The following COLGALT1 variants were observed in gnomAD, a reference collection of about 807,000 sequenced individuals.
COLGALT1 encodes collagen beta(1-O)galactosyltransferase 1.
Under a neutral mutation model 60.8 loss-of-function variants are expected in COLGALT1, and 43 were observed. That is an observed-to-expected ratio of 0.71 (90% CI 0.55 to 0.91). The LOEUF (loss-of-function observed/expected upper bound fraction) is 0.91. Among genes scored for constraint, COLGALT1 ranks in the 40% least tolerant of loss-of-function variants. The probability of loss-of-function intolerance (pLI) is 0.00; values close to 1 mark genes in which losing one functional copy is unlikely to be tolerated. For missense variants in COLGALT1, 845 were observed against 880.0 expected, an observed-to-expected ratio of 0.96 and a Z score of 0.50; for synonymous variants, 369 against 374.2, an observed-to-expected ratio of 0.99 and a Z score of 0.16.
At chr19:17,561,238 A>G (rs1289747127) in intron 3 of COLGALT1, among the ~76,000 whole-genome samples, 1 of 151,922 alleles carries the variant, frequency 6.6e-6, no homozygotes, top group African/African-American at 2.4e-5. Context: ...TATTTTTAAA[A>G]AATAACAAAT....
intron 3 of COLGALT1, among the ~76,000 whole-genome samples, chr19:17,564,067 C>A (rs112068686): frequency 2.3e-5 from 2 of 88,780 alleles, no homozygotes; most frequent in South Asian, 7.1e-4. Flanking sequence ...GAGACCCCCC[C>A]CATCTCTACA....
Position 17,559,357 on chromosome 19 carries a change from G to A in COLGALT1, c.307G>A (p.Glu103Lys), listed in dbSNP as rs1385242208. 1 of 1,552,760 alleles carries A rather than the reference G, an allele frequency of 6.4e-7. No homozygotes were observed. The highest frequency in any genetic ancestry group is 1.4e-5 in the African/African-American group (1 of 73,258). Residue 103 changes from glutamate (E) to lysine (K), a missense_variant, in exon 2 of 12, where the codon GAG becomes AAG. Transcript: ENST00000252599. ...NMDNTSTVLR[E>K]WLVAVKSLYH... The stretch of plus-strand genomic sequence containing the variant: ...GGATAACACGTCAACTGTGCTGCGG[G>A]AGTGGCTGGTGGCCGTGAAGAGTTT...
chr19:17,572,996 G>A (rs1005114539), intron 6 of COLGALT1, among the ~76,000 whole-genome samples: 3 of 152,176 alleles, frequency 2.0e-5, no homozygotes, highest in African/African-American at 7.2e-5. Context: ...GGGCCAGGGT[G>A]GATGGCCTCA....
intron 2 of COLGALT1, 90 bp from the exon 3 acceptor site, chr19:17,560,258 G>GCTCT: frequency 1.1e-6 from 1 of 935,866 alleles, no homozygotes. Flanking sequence ...CCTCCAGGAA[G>GCTCT]CTCTCTCTGA....
chr19:17,562,467 A>G (rs1463444491), intron 3 of COLGALT1, among the ~76,000 whole-genome samples: 1 of 152,134 alleles, frequency 6.6e-6, no homozygotes, highest in Non-Finnish European at 1.5e-5. Flanking sequence ...GTTTGAGACC[A>G]GCCTGGTCAA....
intron 6 of COLGALT1, among the ~76,000 whole-genome samples, chr19:17,573,234 A>T (rs949915657): frequency 1.3e-5 from 2 of 151,902 alleles, no homozygotes; most frequent in Admixed American, 1.3e-4. Flanking sequence ...TCTCTATATT[A>T]AAAAAAATTT....
chr19:17,560,353 A>G lies in COLGALT1; in HGVS notation c.377A>G (p.Tyr126Cys). ...EWRPAEEPRS[Y>C]PDEEGPKHWS... Reference sequence around the variant, plus strand: ...TCACAGCTGCCTCCCCATAGGTCCTACCCGGACGAGGAAGGCCCGAAACAC... The same window carrying G: ...TCACAGCTGCCTCCCCATAGGTCCTGCCCGGACGAGGAAGGCCCGAAACAC... The change falls in exon 3 of 12, where the codon TAC becomes TGC. Residue 126 changes from tyrosine to cysteine, a missense_variant. Transcript: ENST00000252599. The G allele has an allele frequency of 1.2e-6, 2 of 1,613,666 alleles. No individual in the cohort carries two copies. Among genetic ancestry groups the G allele is most frequent in the Non-Finnish European group, 1.7e-6 (2 of 1,179,850 alleles).
intron 3 of COLGALT1, among the ~76,000 whole-genome samples, chr19:17,565,242 A>G (rs1442796546): frequency 6.6e-6 from 1 of 151,558 alleles, no homozygotes; most frequent in Non-Finnish European, 1.5e-5. Flanking sequence ...TGCAACCTCC[A>G]TCTCCTGGGT....
At chr19:17,572,452 C>T in intron 5 of COLGALT1, 31 bp from the exon 6 acceptor site, 2 of 1,613,612 alleles carry the variant, frequency 1.2e-6, no homozygotes, top group South Asian at 1.1e-5. Flanking sequence ...CCTGTTTTTA[C>T]ATTTGTCTGT....
chr19:17,561,370 C>T (rs7259115), intron 3 of COLGALT1, among the ~76,000 whole-genome samples: 14,597 of 151,610 alleles, frequency 0.096, 1,058 homozygotes, highest in African/African-American at 0.21. Context: ...CATGGGCCAC[C>T]GTGCCTGGCC....
chr19:17,567,360 G>A lies in COLGALT1; in HGVS notation c.490-46G>A, dbSNP rs775040126. The A allele has an allele frequency of 3.1e-6, 5 of 1,608,936 alleles. No individual in the cohort carries two copies. In the African/African-American group the frequency reaches 6.7e-5, roughly 21 times the overall value. On this transcript the variant is annotated intron_variant, in intron 3 of 11. Transcript: ENST00000252599. ...TTTGCCCCAGCTGTTCTGAATGGTA[G>A]CCTGACCTGGCAGCCCATGCTGATG...
intron 1 of COLGALT1, among the ~76,000 whole-genome samples, chr19:17,556,970 T>A (rs921702166): frequency 6.6e-6 from 1 of 152,232 alleles, no homozygotes; most frequent in Admixed American, 6.5e-5. Flanking sequence ...TTTGGGTTTG[T>A]CTCTGAAGAT....
intron 3 of COLGALT1, among the ~76,000 whole-genome samples, chr19:17,561,269 C>T (rs1294057326): frequency 6.6e-6 from 1 of 151,696 alleles, no homozygotes; most frequent in East Asian, 1.9e-4. Flanking sequence ...TTTGTAGAGA[C>T]GGGGTCTTGC....
rs894299582 is a variant in COLGALT1 at position 17,555,721 on chromosome 19, C to T, written c.8C>T (p.Ala3Val). The T allele has an allele frequency of 5.9e-6, 7 of 1,192,290 alleles. No individual in the cohort carries two copies. Among genetic ancestry groups the T allele is most frequent in the African/African-American group, 4.8e-5 (3 of 62,616 alleles). The allele number at this position is 1,192,290 out of a possible 1,614,324, so 73.9% of individuals were successfully genotyped here. Residue 3 changes from alanine (A) to valine (V), a missense_variant, in exon 1 of 12, where the codon GCG (alanine) becomes GTG (valine). Transcript: ENST00000252599. MA[A>V]APRAGRRRGQ... ...AAGGAGACGCGTGGCGCGATGGCGG[C>T]GGCCCCACGCGCGGGCCGGCGGCGC... is the stretch of plus-strand genomic sequence containing the variant.
At chr19:17,567,051 G>T (rs894308153) in intron 3 of COLGALT1, among the ~76,000 whole-genome samples, 28 of 152,054 alleles carry the variant, frequency 1.8e-4, no homozygotes, top group Non-Finnish European at 5.9e-5. Context: ...GGAGGCGGAG[G>T]TTGCAGCGAG....
intron 10 of COLGALT1, 84 bp from the exon 11 acceptor site, chr19:17,580,615 A>G: frequency 7.3e-7 from 1 of 1,371,462 alleles, no homozygotes; most frequent in Non-Finnish European, 1.0e-6. Context: ...CCAGGACCTG[A>G]CGGGGTAACT....
chr19:17,578,632 T>G (rs1327607585), intron 9 of COLGALT1, among the ~76,000 whole-genome samples: 1 of 152,210 alleles, frequency 6.6e-6, no homozygotes, highest in Non-Finnish European at 1.5e-5. Flanking sequence ...GGAGAGTGGC[T>G]TGAGCCCAGG....
intron 3 of COLGALT1, among the ~76,000 whole-genome samples, chr19:17,566,972 G>A (rs7245445): frequency 0.18 from 27,383 of 151,974 alleles, 2,540 homozygotes; most frequent in Middle Eastern, 0.23. Flanking sequence ...AAAGTTACCC[G>A]GGTGTGATGG....
At chr19:17,563,216 T>C (rs2076259594) in intron 3 of COLGALT1, among the ~76,000 whole-genome samples, 1 of 140,280 alleles carries the variant, frequency 7.1e-6, no homozygotes, top group South Asian at 2.3e-4. Flanking sequence ...TTTGAGACAG[T>C]GTCTCACTCT....
Sources: allele counts gnomAD v4.1 joint callset (sites outside exome capture counted in the v4.1 genomes callset), GRCh38; gene constraint gnomAD v4.1.1; transcripts MANE v1.5; gene names NCBI Gene and HGNC (gene_info 2026-07-23, HGNC 2026-07-21).